MRPS35: variants seen among roughly 807,000 people sequenced by gnomAD.
MRPS35 encodes small ribosomal subunit protein mS35.
In MRPS35, 29 loss-of-function variants were observed where a neutral mutation model predicts 32.7. The observed-to-expected ratio is 0.89, with a 90% CI of 0.66 to 1.21. MRPS35 has a LOEUF of 1.21. Among genes scored for constraint, MRPS35 ranks in the 50% most tolerant of loss-of-function variants. The probability of loss-of-function intolerance (pLI) is 0.00; values close to 1 mark genes in which losing one functional copy is unlikely to be tolerated. For missense variants in MRPS35, 373 were observed against 383.8 expected (o/e 0.97, Z 0.23); for synonymous variants, 148 against 139.3 (o/e 1.06, Z -0.44).
chr12:27,726,136 A>G (rs2061899651), intron 5 of MRPS35, among the ~76,000 whole-genome samples: 1 of 151,832 alleles, frequency 6.6e-6, no homozygotes, highest in Non-Finnish European at 1.5e-5. Context: ...TAATGGCTTT[A>G]TTGAGACATA....
intron 7 of MRPS35, among the ~76,000 whole-genome samples, chr12:27,754,843 T>C (rs1049849917): frequency 3.3e-5 from 5 of 152,084 alleles, no homozygotes; most frequent in African/African-American, 1.2e-4. Context: ...ATTTTCTGTA[T>C]CTGCTGGAAA....
chr12:27,735,393 T>TC, intron 5 of MRPS35, 54 bp from the exon 6 acceptor site: 1 of 1,349,574 alleles, frequency 7.4e-7, no homozygotes, highest in Admixed American at 2.2e-5. Flanking sequence ...TACCTTTTTT[T>TC]CACTAAACAA....
At chr12:27,725,306 T>C (rs555521629) in intron 5 of MRPS35, among the ~76,000 whole-genome samples, 15 of 152,330 alleles carry the variant, frequency 9.8e-5, no homozygotes, top group Middle Eastern at 3.4e-3. Flanking sequence ...GTAATGTTGA[T>C]CACTTCAAAC....
chr12:27,741,761 G>A (rs1420267640), intron 7 of MRPS35, among the ~76,000 whole-genome samples: 1 of 152,064 alleles, frequency 6.6e-6, no homozygotes, highest in African/African-American at 2.4e-5. Context: ...CACAAATACT[G>A]GGGAAGAGAA....
chr12:27,745,381 A>G (rs978604841), intron 7 of MRPS35, among the ~76,000 whole-genome samples: 1 of 152,186 alleles, frequency 6.6e-6, no homozygotes, highest in Non-Finnish European at 1.5e-5. Context: ...TATTCTTTCC[A>G]TGCTATCATA....
intron 7 of MRPS35, among the ~76,000 whole-genome samples, chr12:27,751,733 A>G (rs2062004867): frequency 6.6e-6 from 1 of 152,250 alleles, no homozygotes; most frequent in Non-Finnish European, 1.5e-5. Flanking sequence ...ATGTTGAGCC[A>G]GGCTGCGCCC....
chr12:27,730,143 A>G (rs1003409537), intron 5 of MRPS35, among the ~76,000 whole-genome samples: 1 of 152,168 alleles, frequency 6.6e-6, no homozygotes, highest in African/African-American at 2.4e-5. Flanking sequence ...TCAATATTGA[A>G]TTTATTGTTA....
At chr12:27,753,230 G>C (rs1455582784) in intron 7 of MRPS35, among the ~76,000 whole-genome samples, 1 of 152,170 alleles carries the variant, frequency 6.6e-6, no homozygotes, top group Non-Finnish European at 1.5e-5. Flanking sequence ...GGCCAGGGAA[G>C]ACATCCTGCA....
At chr12:27,713,563 C>T (rs2061836529) in intron 1 of MRPS35, among the ~76,000 whole-genome samples, 1 of 151,980 alleles carries the variant, frequency 6.6e-6, no homozygotes, top group Non-Finnish European at 1.5e-5. Context: ...GAAGAGTGTC[C>T]CAGGTCCAGA....
intron 7 of MRPS35, among the ~76,000 whole-genome samples, chr12:27,753,387 G>C (rs373125026): frequency 6.6e-6 from 1 of 152,090 alleles, no homozygotes; most frequent in South Asian, 2.1e-4. Flanking sequence ...ATTTGTGATC[G>C]GTGGGGCTCC....
chr12:27,735,580 ACTGGT>A, intron 6 of MRPS35, 24 bp downstream of exon 6: 1 of 1,544,134 alleles, frequency 6.5e-7, no homozygotes, highest in Non-Finnish European at 8.9e-7. Context: ...TGTTCAGCCG[ACTGGT>A]CACGTGTGTT....
chr12:27,743,551 T>C (rs2061971767), intron 7 of MRPS35, among the ~76,000 whole-genome samples: 1 of 152,066 alleles, frequency 6.6e-6, no homozygotes, highest in Non-Finnish European at 1.5e-5. Flanking sequence ...TAAAATAAAA[T>C]GGCAAATGTT....
At chr12:27,750,344 T>G (rs993322000) in intron 7 of MRPS35, among the ~76,000 whole-genome samples, 3 of 152,222 alleles carry the variant, frequency 2.0e-5, no homozygotes, top group Non-Finnish European at 4.4e-5. Context: ...ATTCTTAAAA[T>G]CTATCCCAGT....
In MRPS35 at chr12:27,734,131, T is replaced by C. The variant is rs1477550331; in HGVS notation, c.523-1316T>C. Among the ~76,000 whole-genome samples the C allele has an allele frequency of 2.0e-5, 3 of 152,212 alleles. No individual in the cohort carries two copies. In the East Asian group the frequency reaches 5.8e-4, roughly 29 times the overall value. ...GATTTCAAAATCCTATTTAGCTTTTTTTCTTCTTGATATAGTTACAGCTCT... is the reference window on the plus strand; with the variant it reads ...GATTTCAAAATCCTATTTAGCTTTTCTTCTTCTTGATATAGTTACAGCTCT... On this transcript the variant is annotated intron_variant, in intron 5 of 7. Coordinates refer to ENST00000081029, the MANE Select transcript of MRPS35 (RefSeq NM_021821.4).
Position 27,719,800 on chromosome 12 carries a change from T to A in MRPS35, c.322-8T>A. The A allele has an allele frequency of 6.4e-7, 1 of 1,564,000 alleles. No homozygotes were observed. Among genetic ancestry groups the A allele is most frequent in the East Asian group, 2.2e-5 (1 of 44,538 alleles). On this transcript the variant is annotated splice_region_variant and splice_polypyrimidine_tract_variant and intron_variant, in intron 3 of 7. Coordinates refer to ENST00000081029, the MANE Select transcript of MRPS35 (RefSeq NM_021821.4). ...AGCTAATTTATCTTTTAAATTTCTC[T>A]ATTTAAGATTCCCAATTTTCTGCAT...
chr12:27,723,566 C>T (rs1040402879), intron 4 of MRPS35, among the ~76,000 whole-genome samples: 9 of 152,206 alleles, frequency 5.9e-5, no homozygotes, highest in East Asian at 1.9e-4. Context: ...AATTTCTAGA[C>T]GACTGTTGAC....
At chr12:27,731,164 C>T (rs1393163663) in intron 5 of MRPS35, among the ~76,000 whole-genome samples, 3 of 152,140 alleles carry the variant, frequency 2.0e-5, no homozygotes, top group Non-Finnish European at 4.4e-5. Context: ...TGCCATGCCC[C>T]TGTCATTTGT....
chr12:27,713,327 G>A (rs2140750438), intron 1 of MRPS35, among the ~76,000 whole-genome samples: 1 of 152,312 alleles, frequency 6.6e-6, no homozygotes, highest in Middle Eastern at 3.4e-3. Flanking sequence ...TGTAGATGTA[G>A]ATATATAGAC....
chr12:27,714,715 A>AT, intron 1 of MRPS35, 65 bp from the exon 2 acceptor site: 1 of 1,157,610 alleles, frequency 8.6e-7, no homozygotes, highest in Non-Finnish European at 1.3e-6. Context: ...ATCATGATTG[A>AT]TGTTGAACAA....
Sources: allele counts gnomAD v4.1 joint callset (sites outside exome capture counted in the v4.1 genomes callset), GRCh38; gene constraint gnomAD v4.1.1; transcripts MANE v1.5; gene names NCBI Gene and HGNC (gene_info 2026-07-23, HGNC 2026-07-21).